KCNQ5: variants seen among roughly 807,000 people sequenced by gnomAD.
The protein encoded by KCNQ5 is potassium voltage-gated channel subfamily KQT member 5.
Under a neutral mutation model 98.2 loss-of-function variants are expected in KCNQ5, and 30 were observed. That is an observed-to-expected ratio of 0.31 (90% CI 0.23 to 0.41). The LOEUF is 0.41. KCNQ5 is among the 10% of genes least tolerant of loss of function. The pLI is 1.00. For missense variants in KCNQ5, 835 were observed against 1,182.5 expected (o/e 0.71, Z 4.31); for synonymous variants, 458 against 449.4 (o/e 1.02, Z -0.24).
chr6:73,158,970 T>C (rs1777502123), intron 10 of KCNQ5, among the ~76,000 whole-genome samples: 1 of 152,256 alleles, frequency 6.6e-6, no homozygotes, highest in South Asian at 2.1e-4. Flanking sequence ...TATTTTTCTA[T>C]AGTAGGTGAT....
rs1473225159 is a variant in KCNQ5, at chr6:72,779,342, G to T, written c.398+156755G>T. ...GGATGATAGGGATATTTCTTTTTCA[G>T]GCCCAGAAAGGAAGGAAGCAAGCCA... On this transcript the variant is annotated intron_variant, in intron 1 of 13. Transcript: ENST00000370398. Among the ~76,000 whole-genome samples, 3 of 152,174 alleles carry T rather than the reference G, an allele frequency of 2.0e-5. No individual in the cohort carries two copies. The East Asian group carries it at 5.8e-4, about 29-fold the overall frequency.
intron 1 of KCNQ5, among the ~76,000 whole-genome samples, chr6:72,924,254 T>C (rs535387251): frequency 1.3e-5 from 2 of 152,340 alleles, no homozygotes; most frequent in East Asian, 1.9e-4. Flanking sequence ...CAGATTTTTT[T>C]AGTTTTTTGA....
chr6:72,914,567 C>T (rs915964491), intron 1 of KCNQ5, among the ~76,000 whole-genome samples: 7 of 144,158 alleles, frequency 4.9e-5, no homozygotes, highest in African/African-American at 1.8e-4. Flanking sequence ...ATCTAGCATG[C>T]CGTAGAGTTC....
At chr6:72,857,511 T>C (rs1269262336) in intron 1 of KCNQ5, among the ~76,000 whole-genome samples, 1 of 152,188 alleles carries the variant, frequency 6.6e-6, no homozygotes, top group African/African-American at 2.4e-5. Flanking sequence ...CAAAACAAGT[T>C]TACAGGATGA....
intron 3 of KCNQ5, among the ~76,000 whole-genome samples, chr6:73,071,366 C>A (rs567555843): frequency 6.6e-6 from 1 of 152,090 alleles, no homozygotes; most frequent in African/African-American, 2.4e-5. Flanking sequence ...AATTCCTTAT[C>A]CTAAAAATAA....
intron 3 of KCNQ5, among the ~76,000 whole-genome samples, chr6:73,056,798 G>C (rs1772521592): frequency 6.6e-6 from 1 of 152,152 alleles, no homozygotes; most frequent in Admixed American, 6.5e-5. Context: ...ACACCAGTTA[G>C]AATGGTGATC....
chr6:72,764,343 T>C (rs1470815864), intron 1 of KCNQ5, among the ~76,000 whole-genome samples: 1 of 151,980 alleles, frequency 6.6e-6, no homozygotes, highest in Non-Finnish European at 1.5e-5. Context: ...CAAAAGAATA[T>C]AAACTATTTG....
At chr6:72,661,705 G>C (rs943455971) in intron 1 of KCNQ5, among the ~76,000 whole-genome samples, 22 of 152,084 alleles carry the variant, frequency 1.4e-4, no homozygotes, top group African/African-American at 5.1e-4. Flanking sequence ...GTATTTAAAG[G>C]CTGCCTGTGA....
chr6:72,793,541 C>T (rs1432255789), intron 1 of KCNQ5, among the ~76,000 whole-genome samples: 1 of 152,166 alleles, frequency 6.6e-6, no homozygotes, highest in Non-Finnish European at 1.5e-5. Flanking sequence ...TCTTATTTTT[C>T]CCCTTATATT....
chr6:72,843,632 G>A (rs1322025677), intron 1 of KCNQ5, among the ~76,000 whole-genome samples: 1 of 152,088 alleles, frequency 6.6e-6, no homozygotes, highest in African/African-American at 2.4e-5. Flanking sequence ...AGAAGACAGT[G>A]TGGAAATTCC....
intron 1 of KCNQ5, among the ~76,000 whole-genome samples, chr6:72,934,400 T>C (rs1765813362): frequency 6.6e-6 from 1 of 152,154 alleles, no homozygotes; most frequent in Non-Finnish European, 1.5e-5. Context: ...GTGATGGTGG[T>C]GATGACAGTG....
At chr6:72,625,946 C>T (rs1044119359) in intron 1 of KCNQ5, among the ~76,000 whole-genome samples, 4 of 152,220 alleles carry the variant, frequency 2.6e-5, no homozygotes, top group African/African-American at 7.2e-5. Context: ...TCTGCTCTAA[C>T]ATCATAGTAT....
chr6:73,055,627 G>T, intron 3 of KCNQ5: 1 of 1,201,580 alleles, frequency 8.3e-7, no homozygotes, highest in Non-Finnish European at 1.2e-6. Context: ...AGGGGAAATG[G>T]GTACTGACTG....
intron 3 of KCNQ5, among the ~76,000 whole-genome samples, chr6:73,063,667 T>TAGATGATAGATAGATAGATAGATA (rs139031998): frequency 1.6e-5 from 1 of 64,438 alleles, no homozygotes; most frequent in African/African-American, 4.8e-5. Context: ...GATAGATAGA[T>TAGATGATAGATAGATAGATAGATA]GATAGATAGA....
rs377153046 is a variant in KCNQ5, at chr6:73,077,574, G to A, written c.792+77G>A. ...GATCGCTGTAATAGTTAATAAACCT[G>A]TCACAAGAAAACTTAGTCATTGCAG... On this transcript the variant is annotated intron_variant, in intron 4 of 13. Transcript: ENST00000370398. The A allele has an allele frequency of 4.7e-5, 69 of 1,458,576 alleles. No individual in the cohort carries two copies. The Middle Eastern group carries it at 1.5e-3, about 32-fold the overall frequency. 90.4% of individuals were successfully genotyped at this position (1,458,576 alleles called of 1,614,324 possible).
chr6:72,678,337 A>G (rs1340288428), intron 1 of KCNQ5: 1 of 152,206 alleles, frequency 6.6e-6, no homozygotes, highest in Non-Finnish European at 1.5e-5. Flanking sequence ...ACCCTACACC[A>G]TATCCTCATT....
intron 1 of KCNQ5, among the ~76,000 whole-genome samples, chr6:72,798,638 G>A (rs972456597): frequency 1.3e-5 from 2 of 152,064 alleles, no homozygotes; most frequent in African/African-American, 4.8e-5. Context: ...TGTTACAGAA[G>A]CACAAAACAG....
intron 1 of KCNQ5, among the ~76,000 whole-genome samples, chr6:72,870,047 T>C (rs1275526142): frequency 1.3e-5 from 2 of 152,250 alleles, no homozygotes; most frequent in African/African-American, 4.8e-5. Flanking sequence ...CACATGCTCA[T>C]ACTGTAAAGT....
chr6:72,985,332 T>C (rs1768714964), intron 1 of KCNQ5, among the ~76,000 whole-genome samples: 1 of 152,218 alleles, frequency 6.6e-6, no homozygotes, highest in South Asian at 2.1e-4. Context: ...ATGGAAGGCA[T>C]GTAACTAACA....
Sources: gnomAD v4.1 joint callset for allele counts (sites outside exome capture counted in the v4.1 genomes callset) on GRCh38, gnomAD v4.1.1 for gene constraint, MANE v1.5 for transcripts, NCBI Gene and HGNC (gene_info 2026-07-23, HGNC 2026-07-21) for gene names.